The following UBE2E2 variants were observed in gnomAD, a reference collection of about 807,000 sequenced individuals.
UBE2E2 encodes ubiquitin-conjugating enzyme E2 E2.
A neutral mutation model predicts 24.7 loss-of-function variants in UBE2E2; 6 were observed. The observed-to-expected ratio is 0.24, with a 90% confidence interval of 0.13 to 0.48. The LOEUF is 0.48. Among genes scored for constraint, UBE2E2 ranks in the 20% least tolerant of loss-of-function variants. The probability of loss-of-function intolerance (pLI) is 0.99; values close to 1 mark genes in which losing one functional copy is unlikely to be tolerated. For missense variants in UBE2E2, 169 were observed against 245.0 expected (o/e 0.69, Z 2.07); for synonymous variants, 104 against 83.6 (o/e 1.24, Z -1.33).
intron 3 of UBE2E2, among the ~76,000 whole-genome samples, chr3:23,255,322 C>T (rs541672554): frequency 6.6e-6 from 1 of 151,362 alleles, no homozygotes; most frequent in Non-Finnish European, 1.5e-5. Flanking sequence ...TCGAACTCCT[C>T]AGCTCAAGCG....
chr3:23,488,389 G>C (rs976269527), intron 3 of UBE2E2, among the ~76,000 whole-genome samples: 8 of 152,018 alleles, frequency 5.3e-5, no homozygotes, highest in Non-Finnish European at 1.0e-4. Context: ...AGGCCCCGAT[G>C]TGTGATGTTC....
intron 4 of UBE2E2, among the ~76,000 whole-genome samples, chr3:23,517,007 G>A (rs997528915): frequency 1.3e-5 from 2 of 151,910 alleles, no homozygotes; most frequent in African/African-American, 4.8e-5. Context: ...GACTAAAATA[G>A]GAGGAAATAA....
chr3:23,244,052 A>G (rs1354508170), intron 3 of UBE2E2, among the ~76,000 whole-genome samples: 1 of 151,840 alleles, frequency 6.6e-6, no homozygotes. Flanking sequence ...TCTTATTATG[A>G]TATCAATTAA....
chr3:23,501,104 G>T (rs1029679109), intron 4 of UBE2E2, among the ~76,000 whole-genome samples: 1 of 152,152 alleles, frequency 6.6e-6, no homozygotes, highest in East Asian at 1.9e-4. Context: ...TGGAGTATCT[G>T]TTGTACTATG....
intron 3 of UBE2E2, among the ~76,000 whole-genome samples, chr3:23,308,033 T>C (rs758379293): frequency 6.6e-6 from 1 of 152,202 alleles, no homozygotes; most frequent in African/African-American, 2.4e-5. Context: ...CTTAAGTTTT[T>C]ACCAACTCCC....
At chr3:23,338,611 G>A (rs1695281314) in intron 3 of UBE2E2, among the ~76,000 whole-genome samples, 2 of 152,120 alleles carry the variant, frequency 1.3e-5, no homozygotes, top group Admixed American at 1.3e-4. Context: ...GACTGGGACT[G>A]GGACTGGGGA....
At chr3:23,398,949 A>G (rs1361143715) in intron 3 of UBE2E2, among the ~76,000 whole-genome samples, 2 of 152,172 alleles carry the variant, frequency 1.3e-5, no homozygotes, top group Non-Finnish European at 2.9e-5. Context: ...GTTGAATTTG[A>G]AATTAGTCGC....
At chr3:23,519,952 T>TTA (rs1694826504) in intron 4 of UBE2E2, among the ~76,000 whole-genome samples, 1 of 152,212 alleles carries the variant, frequency 6.6e-6, no homozygotes, top group South Asian at 2.1e-4. Context: ...ATGAATATCA[T>TTA]TAAACATTTC....
chr3:23,290,128 C>T (rs1441686881), intron 3 of UBE2E2, among the ~76,000 whole-genome samples: 2 of 152,172 alleles, frequency 1.3e-5, no homozygotes, highest in African/African-American at 2.4e-5. Context: ...ATGTATATGT[C>T]TACACACACA....
intron 3 of UBE2E2, among the ~76,000 whole-genome samples, chr3:23,257,961 C>G (rs1447674652): frequency 1.3e-5 from 2 of 151,904 alleles, no homozygotes; most frequent in African/African-American, 4.8e-5. Context: ...AAAAAATTAT[C>G]TTCCTAGGAG....
chr3:23,365,252 A>G (rs1028157934), intron 3 of UBE2E2, among the ~76,000 whole-genome samples: 3 of 152,190 alleles, frequency 2.0e-5, no homozygotes, highest in Non-Finnish European at 1.5e-5. Context: ...ATACTTAACC[A>G]TAGTACTAGA....
At chr3:23,472,010 C>T (rs1295012948) in intron 3 of UBE2E2, among the ~76,000 whole-genome samples, 1 of 149,928 alleles carries the variant, frequency 6.7e-6, no homozygotes, top group South Asian at 2.1e-4. Flanking sequence ...GGCAAAATAA[C>T]GTTCCTACAA....
intron 3 of UBE2E2, among the ~76,000 whole-genome samples, chr3:23,458,985 AT>A (rs1698743755): frequency 6.6e-6 from 1 of 152,346 alleles, no homozygotes; most frequent in South Asian, 2.1e-4. Flanking sequence ...AGGTTCCTAT[AT>A]CATGTGTGCA....
At chr3:23,421,789 A>G (rs1237949575) in intron 3 of UBE2E2, among the ~76,000 whole-genome samples, 1 of 152,262 alleles carries the variant, frequency 6.6e-6, no homozygotes, top group Non-Finnish European at 1.5e-5. Flanking sequence ...GCTAAATAAT[A>G]TGTACACATG....
chr3:23,551,337 G>A (rs1165071653), intron 5 of UBE2E2, among the ~76,000 whole-genome samples: 1 of 152,180 alleles, frequency 6.6e-6, no homozygotes, highest in African/African-American at 2.4e-5. Flanking sequence ...TTCTCAAATT[G>A]ATTTAGTTCT....
intron 4 of UBE2E2, among the ~76,000 whole-genome samples, chr3:23,522,689 A>G (rs1440414572): frequency 2.0e-5 from 3 of 152,230 alleles, no homozygotes; most frequent in African/African-American, 7.2e-5. Context: ...AAAAGAAAGT[A>G]TTTGAGATGT....
chr3:23,392,155 A>G (rs1696952843), intron 3 of UBE2E2, among the ~76,000 whole-genome samples: 1 of 152,164 alleles, frequency 6.6e-6, no homozygotes, highest in African/African-American at 2.4e-5. Flanking sequence ...GTTATGCATT[A>G]TGCTTAGACA....
At chr3:23,264,842 A>G (rs193202945) in intron 3 of UBE2E2, among the ~76,000 whole-genome samples, 64 of 152,310 alleles carry the variant, frequency 4.2e-4, no homozygotes, top group Non-Finnish European at 1.5e-5. Context: ...TTGCAAGTGA[A>G]TGGGTAATTA....
chr3:23,269,871 G>C lies in UBE2E2; in HGVS notation c.227+52559G>C, dbSNP rs184828787. Reference sequence around the variant, plus strand: ...GAAAAAGGGGAAAAATGTTTATTCTGTTTATAAGGGAATAACATGTTTCTC... The same window carrying C: ...GAAAAAGGGGAAAAATGTTTATTCTCTTTATAAGGGAATAACATGTTTCTC... On this transcript the variant is annotated intron_variant, in intron 3 of 5. Transcript: ENST00000396703. Among the ~76,000 whole-genome samples the C allele has an allele frequency of 5.1e-4, 78 of 152,286 alleles. 1 individual carries two copies. The highest frequency in any genetic ancestry group is 1.6e-3 in the African/African-American group (66 of 41,568).
Sources: gnomAD v4.1 joint callset for allele counts (sites outside exome capture counted in the v4.1 genomes callset) on GRCh38, gnomAD v4.1.1 for gene constraint, MANE v1.5 for transcripts, NCBI Gene and HGNC (gene_info 2026-07-23, HGNC 2026-07-21) for gene names.